ZNF483: variants seen among roughly 807,000 people sequenced by gnomAD.
The protein encoded by ZNF483 is zinc finger protein HIT-10.
Under a neutral mutation model 28.6 loss-of-function variants are expected in ZNF483, and 9 were observed. The observed-to-expected ratio is 0.32, with a 90% CI of 0.19 to 0.55. The LOEUF is 0.55. Among genes scored for constraint, ZNF483 ranks in the 20% least tolerant of loss-of-function variants. The pLI, the probability that ZNF483 is intolerant of heterozygous loss-of-function variation, is 0.93. For missense variants in ZNF483, 675 were observed against 871.7 expected, an observed-to-expected ratio of 0.77 and a Z score of 2.84; for synonymous variants, 322 against 306.2, an observed-to-expected ratio of 1.05 and a Z score of -0.54.
rs1564589663 is a variant in ZNF483, at chr9:111,527,822, T to C, written c.412+15T>C. 1 of 1,613,926 alleles carries C rather than the reference T, an allele frequency of 6.2e-7. No individual in the cohort carries two copies. The highest frequency in any genetic ancestry group is 1.6e-4 in the Middle Eastern group (1 of 6,062). ...TGAAGAAAAAGGTGAGATTTATAGATGGAGGGAGGAAGCGGGAGACATTGC... is the reference window on the plus strand; with the variant it reads ...TGAAGAAAAAGGTGAGATTTATAGACGGAGGGAGGAAGCGGGAGACATTGC... On this transcript the variant is annotated intron_variant, in intron 2 of 5. Transcript: ENST00000309235.
chr9:111,530,392 C>T (rs182525230), intron 2 of ZNF483, among the ~76,000 whole-genome samples: 8 of 152,154 alleles, frequency 5.3e-5, no homozygotes, highest in African/African-American at 1.4e-4. Context: ...AACCAGTAAA[C>T]GTAAGTAAAG....
At chr9:111,564,357 G>A (rs1417936414) in intron 5 of ZNF483, 2 of 444,960 alleles carry the variant, frequency 4.5e-6, no homozygotes, top group Non-Finnish European at 3.1e-6. Context: ...CTAGGTTTGA[G>A]TGCAGTGGCA....
intron 3 of ZNF483, among the ~76,000 whole-genome samples, chr9:111,532,921 A>AG (rs1352238174): frequency 6.6e-6 from 1 of 152,058 alleles, no homozygotes; most frequent in East Asian, 1.9e-4. Flanking sequence ...AAAAAAAAAA[A>AG]GAAAAAAAAG....
At chr9:111,574,639 C>T in intron 5 of ZNF483, 4 of 710,970 alleles carry the variant, frequency 5.6e-6, no homozygotes, top group South Asian at 2.4e-5. Flanking sequence ...GAAAATCTTT[C>T]TAATAATTTC....
intron 5 of ZNF483, among the ~76,000 whole-genome samples, chr9:111,561,138 G>GAGAGA (rs1446000883): frequency 5.0e-5 from 1 of 20,086 alleles, no homozygotes; most frequent in Non-Finnish European, 8.8e-5. Context: ...GAGAGAGAGA[G>GAGAGA]GAGAGAGAGG....
chr9:111,532,014 A>G (rs1827359116), intron 3 of ZNF483, among the ~76,000 whole-genome samples: 1 of 152,228 alleles, frequency 6.6e-6, no homozygotes, highest in Non-Finnish European at 1.5e-5. Context: ...TTAACATGAT[A>G]AAGAACATCC....
At chr9:111,569,809 A>G in intron 5 of ZNF483, 1 of 406,506 alleles carries the variant, frequency 2.5e-6, no homozygotes, top group Non-Finnish European at 4.6e-6. Context: ...GAGGAATGGC[A>G]GACAGTGAGT....
At position 111,554,295 on chromosome 9, in the gene ZNF483, C is replaced by G. The variant is rs1401089357; in HGVS notation, c.*11125C>G. 1.3e-5 allele frequency among the ~76,000 whole-genome samples: 2 copies of G among 150,564 alleles called. No homozygotes were observed. The highest frequency in any genetic ancestry group is 3.0e-5 in the Non-Finnish European group (2 of 67,586). On this transcript the variant is annotated 3_prime_UTR_variant, in exon 6 of 6. Transcript: ENST00000309235. ...CAGATCCTGTAACTAAGAAAGTCAA[C>G]CTCTGTCTTAGAAGTCACTTCTACT...
chr9:111,533,997 AAAAACT>A, intron 4 of ZNF483, 132 bp downstream of exon 4: 3 of 1,134,194 alleles, frequency 2.6e-6, no homozygotes, highest in Non-Finnish European at 3.8e-6. Context: ...GACTAATCCT[AAAAACT>A]GGTTCTGAAA....
chr9:111,560,972 T>TAGAGAG (rs1564607799), intron 5 of ZNF483, among the ~76,000 whole-genome samples: 1 of 21,320 alleles, frequency 4.7e-5, no homozygotes, highest in Non-Finnish European at 8.5e-5. Context: ...TATATATATA[T>TAGAGAG]ATAGAGAGAG....
intron 3 of ZNF483, among the ~76,000 whole-genome samples, chr9:111,532,878 C>T (rs1827384386): frequency 6.7e-6 from 1 of 149,708 alleles, no homozygotes; most frequent in African/African-American, 2.5e-5. Context: ...CACTGCACTC[C>T]AGCCTGGGCA....
intron 5 of ZNF483, among the ~76,000 whole-genome samples, chr9:111,564,534 AGG>A (rs1828466459): frequency 6.6e-6 from 1 of 151,578 alleles, no homozygotes; most frequent in Non-Finnish European, 1.5e-5. Context: ...TCAAAGGCCT[AGG>A]CTCAAGTGAT....
At chr9:111,560,503 T>G (rs1589288218) in intron 5 of ZNF483, among the ~76,000 whole-genome samples, 1 of 141,844 alleles carries the variant, frequency 7.1e-6, no homozygotes, top group South Asian at 2.2e-4. Context: ...CAGCCGGGCA[T>G]GGTGGCAGGC....
Position 111,545,244 on chromosome 9 carries a change from G to A in ZNF483, c.*2074G>A, listed in dbSNP as rs1018539170. ...TTTTTTCTGAAAAGACAGAAAACTT[G>A]TTGTAAGTTTTGTTTTCTGAAAAAT... On this transcript the variant is annotated 3_prime_UTR_variant, in exon 6 of 6. Coordinates refer to ENST00000309235, the MANE Select transcript of ZNF483 (RefSeq NM_133464.5). Among the ~76,000 whole-genome samples the A allele has an allele frequency of 2.6e-5, 4 of 152,096 alleles. No homozygotes were observed. Among genetic ancestry groups the A allele is most frequent in the African/African-American group, 9.7e-5 (4 of 41,416 alleles).
rs1828007774 is a variant in ZNF483 at position 111,552,787 on chromosome 9, T to G, written c.*9617T>G. On this transcript the variant is annotated 3_prime_UTR_variant, in exon 6 of 6. Transcript: ENST00000309235. Reference sequence around the variant, plus strand: ...TTTCAAGATTTGAATTAATTGGTCTTTATTATTAAAATATAAATATTCTAT... The same window carrying G: ...TTTCAAGATTTGAATTAATTGGTCTGTATTATTAAAATATAAATATTCTAT... Among the ~76,000 whole-genome samples the G allele has an allele frequency of 6.6e-6, 1 of 151,962 alleles. No individual in the cohort carries two copies. Among genetic ancestry groups the G allele is most frequent in the African/African-American group, 2.4e-5 (1 of 41,444 alleles).
intron 5 of ZNF483, among the ~76,000 whole-genome samples, chr9:111,560,551 G>C (rs377244270): frequency 4.9e-5 from 7 of 141,984 alleles, no homozygotes; most frequent in African/African-American, 1.8e-4. Flanking sequence ...TGAGGCAGGA[G>C]AATTGCTTGA....
chr9:111,564,240 C>CA (rs1432063229), intron 5 of ZNF483: 2 of 1,045,362 alleles, frequency 1.9e-6, no homozygotes, highest in African/African-American at 3.4e-5. Context: ...TGCTTGAAGT[C>CA]AGTCAATTAC....
intron 4 of ZNF483, 42 bp downstream of exon 4, chr9:111,533,907 G>A (rs1827410433): frequency 2.5e-6 from 4 of 1,573,586 alleles, no homozygotes; most frequent in Non-Finnish European, 3.4e-6. Flanking sequence ...TTAACCTTGG[G>A]TCTCTTTTTG....
In ZNF483 at chr9:111,542,400, CATAGTG is replaced by C. The variant is rs768179980; in HGVS notation, c.1466_1471del (p.His489_Gly491delinsArg). 6.2e-7 allele frequency: 1 copy of C among 1,614,088 alleles called. No homozygotes were observed. The highest frequency in any genetic ancestry group is 2.2e-5 in the East Asian group (1 of 44,868). On this transcript the variant is annotated inframe_deletion, in exon 6 of 6. Transcript: ENST00000309235. This position sits in a 1 kb window ranked among gnomAD's most constrained non-coding sequence, Gnocchi z 6.2. ...ATCGCTCACACCACATCATAGAACTCATAGTGGAGAGAAACCCTTCAAATGTGATGA... is the reference window on the plus strand; with the variant it reads ...ATCGCTCACACCACATCATAGAACTCGAGAGAAACCCTTCAAATGTGATGA...
Sources: allele counts gnomAD v4.1 joint callset (sites outside exome capture counted in the v4.1 genomes callset), GRCh38; gene constraint gnomAD v4.1.1; non-coding constraint Gnocchi (gnomAD v3.1); transcripts MANE v1.5; gene names NCBI Gene and HGNC (gene_info 2026-07-23, HGNC 2026-07-21).